Variants in KLHL1 observed in about 807,000 individuals in gnomAD.
KLHL1 encodes kelch-like protein 1.
KLHL1 carries 47 observed loss-of-function variants against 77.7 expected under a neutral mutation model. The observed-to-expected ratio is 0.60, with a 90% CI of 0.48 to 0.77. The LOEUF is 0.77. Ranked by LOEUF, KLHL1 falls within the 30% of genes least tolerant of loss-of-function variation. The pLI is 0.00. For missense variants in KLHL1, 925 were observed against 910.8 expected (o/e 1.02, Z -0.20); for synonymous variants, 360 against 325.2 (o/e 1.11, Z -1.15).
chr13:69,711,278 G>A (rs371428011), intron 9 of KLHL1, among the ~76,000 whole-genome samples: 2 of 151,960 alleles, frequency 1.3e-5, no homozygotes, highest in Non-Finnish European at 1.5e-5. Context: ...TTATAGTCCA[G>A]TAGGTTTGCC....
intron 3 of KLHL1, among the ~76,000 whole-genome samples, chr13:69,952,244 G>A (rs1272591505): frequency 2.0e-5 from 3 of 151,348 alleles, no homozygotes; most frequent in African/African-American, 7.3e-5. Flanking sequence ...GCATAGCCCA[G>A]GAAAACACAT....
intron 3 of KLHL1, among the ~76,000 whole-genome samples, chr13:69,956,711 G>A (rs1369258483): frequency 6.6e-6 from 1 of 151,374 alleles, no homozygotes; most frequent in Non-Finnish European, 1.5e-5. Context: ...CATTGATTGG[G>A]CAGCATTAAG....
At chr13:69,745,629 A>C (rs1566206048) in intron 7 of KLHL1, among the ~76,000 whole-genome samples, 1 of 151,930 alleles carries the variant, frequency 6.6e-6, no homozygotes, top group African/African-American at 2.4e-5. Context: ...ATCTAGATGG[A>C]TCATAGGATT....
intron 5 of KLHL1, among the ~76,000 whole-genome samples, chr13:69,858,163 T>C (rs889171418): frequency 3.9e-5 from 6 of 152,008 alleles, no homozygotes; most frequent in African/African-American, 1.2e-4. Context: ...ATTTCAGCCA[T>C]GTCGTCCAGG....
chr13:70,037,350 A>C (rs540817057), intron 1 of KLHL1, among the ~76,000 whole-genome samples: 2 of 152,112 alleles, frequency 1.3e-5, no homozygotes, highest in African/African-American at 4.8e-5. Flanking sequence ...CACGTTGAAC[A>C]TATAATTTCA....
At chr13:69,774,220 A>G (rs1268922671) in intron 7 of KLHL1, among the ~76,000 whole-genome samples, 3 of 151,988 alleles carry the variant, frequency 2.0e-5, no homozygotes, top group Non-Finnish European at 4.4e-5. Flanking sequence ...GTAATAATAT[A>G]CAAACTCACA....
Position 70,107,654 on chromosome 13 carries a change from G to T in KLHL1, c.46C>A (p.Arg16=). The T allele has an allele frequency of 1.9e-6, 3 of 1,545,166 alleles. No homozygotes were observed. The highest frequency in any genetic ancestry group is 2.6e-6 in the Non-Finnish European group (3 of 1,150,658). ...TGGCTGAAGAGTTTCCAGCGGAGTC[G>T]CAGAATGTGCTTCACATCGAAGTCT... ...RKDFDVKHIL[R]LRWKLFSHPS... Residue 16 remains arginine, a synonymous_variant, in exon 1 of 11, where the codon CGA becomes AGA. Transcript: ENST00000377844.
chr13:69,996,721 A>T (rs942000559), intron 1 of KLHL1, among the ~76,000 whole-genome samples: 1 of 151,992 alleles, frequency 6.6e-6, no homozygotes, highest in Non-Finnish European at 1.5e-5. Flanking sequence ...ACACTTTTCC[A>T]TATGTGATAT....
At chr13:69,787,359 GTCTACAACCATCTGATCTTCA>G (rs963169190) in intron 7 of KLHL1, among the ~76,000 whole-genome samples, 4 of 152,076 alleles carry the variant, frequency 2.6e-5, no homozygotes, top group African/African-American at 9.7e-5. Flanking sequence ...AATGCCGCAT[GTCTACAACCATCTGATCTTCA>G]ATAAACCTGA....
At chr13:69,834,160 G>T (rs915184451) in intron 6 of KLHL1, among the ~76,000 whole-genome samples, 3 of 151,802 alleles carry the variant, frequency 2.0e-5, no homozygotes, top group Non-Finnish European at 4.4e-5. Flanking sequence ...GGTGATGGGT[G>T]CACCAAAATC....
chr13:70,059,454 G>A (rs1307150443), intron 1 of KLHL1, among the ~76,000 whole-genome samples: 2 of 152,176 alleles, frequency 1.3e-5, no homozygotes, highest in African/African-American at 4.8e-5. Flanking sequence ...ATGAGCATGA[G>A]CCACCACGCC....
intron 1 of KLHL1, among the ~76,000 whole-genome samples, chr13:70,015,936 T>A (rs528835429): frequency 8.5e-5 from 13 of 152,342 alleles, no homozygotes; most frequent in African/African-American, 3.1e-4. Flanking sequence ...ATCATTTCAC[T>A]TTGACTACAT....
intron 9 of KLHL1, among the ~76,000 whole-genome samples, chr13:69,709,329 A>T (rs1875771279): frequency 6.6e-6 from 1 of 152,098 alleles, no homozygotes; most frequent in African/African-American, 2.4e-5. Flanking sequence ...ATTTTTAAAC[A>T]TCAGAAAATA....
intron 2 of KLHL1, among the ~76,000 whole-genome samples, chr13:69,961,765 C>A (rs2482555): frequency 0.62 from 94,469 of 151,218 alleles, 29,513 homozygotes; most frequent in South Asian, 0.65. Flanking sequence ...AACTTTCCCC[C>A]CTAAACTATC....
At chr13:69,968,218 T>C (rs1045326998) in intron 2 of KLHL1, among the ~76,000 whole-genome samples, 1 of 152,066 alleles carries the variant, frequency 6.6e-6, no homozygotes, top group African/African-American at 2.4e-5. Context: ...CAGATGATTG[T>C]TAGCATTTTT....
chr13:69,762,941 T>G (rs1875095873), intron 7 of KLHL1, among the ~76,000 whole-genome samples: 1 of 152,036 alleles, frequency 6.6e-6, no homozygotes, highest in East Asian at 1.9e-4. Flanking sequence ...ATTTTCTTGC[T>G]CCATAATCAG....
intron 10 of KLHL1, among the ~76,000 whole-genome samples, chr13:69,704,745 T>A (rs1386270333): frequency 2.6e-5 from 4 of 151,890 alleles, no homozygotes; most frequent in Middle Eastern, 3.4e-3. Flanking sequence ...TATACATTTT[T>A]AAAAATCTGC....
At chr13:69,740,359 T>C in intron 8 of KLHL1, 35 bp downstream of exon 8, 1 of 1,442,444 alleles carries the variant, frequency 6.9e-7, no homozygotes, top group South Asian at 1.4e-5. Context: ...TAACTTTTTT[T>C]CTAAGATTAA....
At chr13:69,877,159 A>G (rs1007913984) in intron 5 of KLHL1, among the ~76,000 whole-genome samples, 4 of 152,192 alleles carry the variant, frequency 2.6e-5, no homozygotes, top group African/African-American at 9.6e-5. Flanking sequence ...TTGACTTGAT[A>G]ATATGTAGAA....
Sources: gnomAD v4.1 joint callset for allele counts (sites outside exome capture counted in the v4.1 genomes callset) on GRCh38, gnomAD v4.1.1 for gene constraint, MANE v1.5 for transcripts, NCBI Gene and HGNC (gene_info 2026-07-23, HGNC 2026-07-21) for gene names.